The following SEC31B variants were observed in gnomAD, a reference collection of about 807,000 sequenced individuals.
SEC31B encodes the protein SEC31 homolog B, COPII component, also known as protein transport protein Sec31B.
Under a neutral mutation model 135.0 loss-of-function variants are expected in SEC31B, and 113 were observed. The observed-to-expected ratio is 0.84, with a 90% CI of 0.72 to 0.98. The LOEUF (loss-of-function observed/expected upper bound fraction) is 0.98, where lower values mean the gene tolerates loss of function less well. Ranked by LOEUF, SEC31B falls within the 50% of genes least tolerant of loss-of-function variation. The pLI, the probability that SEC31B is intolerant of heterozygous loss-of-function variation, is 0.00. For synonymous variants in SEC31B, 508 were observed against 549.4 expected (o/e 0.92, Z 1.05); for missense variants, 1,296 against 1,421.1 (o/e 0.91, Z 1.42).
At chr10:100,490,350 G>T (rs568594537) in intron 20 of SEC31B, 28 bp from the exon 21 acceptor site, 5 of 1,593,434 alleles carry the variant, frequency 3.1e-6, no homozygotes, top group Non-Finnish European at 4.3e-6. Flanking sequence ...TAGGTCATTT[G>T]TCACTAAACT....
chr10:100,500,409 G>A (rs1791244723), intron 11 of SEC31B, among the ~76,000 whole-genome samples: 1 of 151,996 alleles, frequency 6.6e-6, no homozygotes, highest in Non-Finnish European at 1.5e-5. Context: ...CCACCCTCAG[G>A]GTTCAAGTGA....
chr10:100,489,275 C>T lies in SEC31B; in HGVS notation c.3148G>A (p.Val1050Ile). 2 of 1,609,580 alleles carry T rather than the reference C, an allele frequency of 1.2e-6. No individual in the cohort carries two copies. The highest frequency in any genetic ancestry group is 8.5e-7 in the Non-Finnish European group (1 of 1,178,718). The change falls in exon 23 of 26, where the codon GTT becomes ATT. Residue 1050 changes from valine to isoleucine, a missense_variant. Coordinates refer to ENST00000370345, the MANE Select transcript of SEC31B (RefSeq NM_015490.4). ...VSSVSHAPPG[V>I]PGELSLQLQH... ...ACCTGCAGGCTGAGTTCTCCTGGAA[C>T]TCCTGGGGGAGCATGACTCACACTG...
intron 24 of SEC31B, among the ~76,000 whole-genome samples, 166 bp from the exon 25 acceptor site, chr10:100,488,264 C>T (rs1005204757): frequency 6.6e-6 from 1 of 152,026 alleles, no homozygotes; most frequent in Non-Finnish European, 1.5e-5. Flanking sequence ...TGGAGACCAT[C>T]CTGGCTGACA....
At chr10:100,496,201 A>T in intron 18 of SEC31B, 57 bp downstream of exon 18, 7 of 1,577,254 alleles carry the variant, frequency 4.4e-6, no homozygotes, top group Non-Finnish European at 6.1e-6. Context: ...GGAAGTGCTC[A>T]ATCAATGTTA....
At chr10:100,514,980 CAA>C (rs1232368371) in intron 3 of SEC31B, among the ~76,000 whole-genome samples, 30 of 63,920 alleles carry the variant, frequency 4.7e-4, no homozygotes, top group Admixed American at 9.5e-4. Context: ...GACTCCATCT[CAA>C]AAAAAAAAAA....
intron 1 of SEC31B, among the ~76,000 whole-genome samples, chr10:100,518,754 G>C (rs1442182309): frequency 6.6e-6 from 1 of 152,224 alleles, no homozygotes; most frequent in Non-Finnish European, 1.5e-5. Context: ...AGTCAGATCA[G>C]TCTCACCTAC....
At chr10:100,507,385 A>C in intron 7 of SEC31B, 40 bp downstream of exon 7, 1 of 1,613,394 alleles carries the variant, frequency 6.2e-7, no homozygotes, top group Non-Finnish European at 8.5e-7. Context: ...AGTTATATCC[A>C]CCATCCCCCC....
At chr10:100,513,051 C>T (rs34062897) in intron 3 of SEC31B, among the ~76,000 whole-genome samples, 1 of 152,212 alleles carries the variant, frequency 6.6e-6, no homozygotes, top group Non-Finnish European at 1.5e-5. Flanking sequence ...CCCTAATCAT[C>T]TAGGTCAATA....
chr10:100,492,287 C>T (rs1038433101), intron 19 of SEC31B, among the ~76,000 whole-genome samples: 1 of 152,188 alleles, frequency 6.6e-6, no homozygotes, highest in African/African-American at 2.4e-5. Flanking sequence ...TGCAATGGCA[C>T]AATCTCAGCT....
At chr10:100,502,960 C>T (rs1851551004) in intron 10 of SEC31B, among the ~76,000 whole-genome samples, 1 of 152,120 alleles carries the variant, frequency 6.6e-6, no homozygotes, top group Non-Finnish European at 1.5e-5. Context: ...TTAGACTATC[C>T]CTCTATTGCT....
At chr10:100,517,248 T>C (rs1851867947) in intron 1 of SEC31B, among the ~76,000 whole-genome samples, 1 of 152,184 alleles carries the variant, frequency 6.6e-6, no homozygotes, top group African/African-American at 2.4e-5. Context: ...AACCAGACAA[T>C]CTCTCAGTGA....
At chr10:100,511,820 G>A (rs1037427562) in intron 3 of SEC31B, among the ~76,000 whole-genome samples, 1 of 152,156 alleles carries the variant, frequency 6.6e-6, no homozygotes, top group Non-Finnish European at 1.5e-5. Context: ...GAGTGATTAA[G>A]GCAGTACTCC....
chr10:100,498,859 G>C lies in SEC31B; in HGVS notation c.1585-55C>G, dbSNP rs962811055. The C allele has an allele frequency of 2.1e-5, 29 of 1,355,904 alleles. No homozygotes were observed. The East Asian group carries it at 5.7e-4, about 27-fold the overall frequency. 84.0% of individuals were successfully genotyped at this position (1,355,904 alleles called of 1,614,324 possible). On this transcript the variant is annotated intron_variant, in intron 13 of 25. Transcript: ENST00000370345. ...TAGGGATGAACCCAAGACAGACAGA[G>C]AGCTGGCTTAGTAGCCCTGAGAGCT...
At chr10:100,503,662 C>T (rs1040916110) in intron 10 of SEC31B, among the ~76,000 whole-genome samples, 1 of 151,782 alleles carries the variant, frequency 6.6e-6, no homozygotes, top group African/African-American at 2.4e-5. Context: ...TCGAACTCCC[C>T]GACCTCAGGT....
Position 100,496,396 on chromosome 10 carries a change from G to C in SEC31B, c.2172C>G (p.Ser724Arg), listed in dbSNP as rs1851409684. ...CATGAGGACCCCGCAGTTGCTCCAA[G>C]CTCCTGTTAAGAACCATCACCTTCT... is the stretch of plus-strand genomic sequence containing the variant. ...LMEKVMVLNR[S>R]LEQLRGPHGV... Residue 724 changes from serine (S) to arginine (R), a missense_variant, in exon 18 of 26, where the codon AGC (serine) becomes AGG (arginine). Physicochemically the swap from Ser to Arg is moderately radical, Grantham distance 110 (BLOSUM62 -1). Transcript: ENST00000370345. The C allele has an allele frequency of 6.2e-7, 1 of 1,614,042 alleles. No homozygotes were observed. Among genetic ancestry groups the C allele is most frequent in the Non-Finnish European group, 8.5e-7 (1 of 1,180,030 alleles).
chr10:100,490,559 C>G (rs2133670327), intron 20 of SEC31B, 147 bp downstream of exon 20: 1 of 915,508 alleles, frequency 1.1e-6, no homozygotes, highest in East Asian at 2.8e-5. Context: ...GGTACGAAGC[C>G]AGTGATAGCA....
chr10:100,493,807 A>G (rs923100839), intron 19 of SEC31B, among the ~76,000 whole-genome samples: 3 of 152,076 alleles, frequency 2.0e-5, no homozygotes, highest in African/African-American at 7.2e-5. Context: ...ACTAATGGCA[A>G]TTTCTTGGTT....
intron 3 of SEC31B, among the ~76,000 whole-genome samples, 197 bp from the exon 4 acceptor site, chr10:100,509,708 T>TAC (rs1191280586): frequency 1.3e-5 from 2 of 152,180 alleles, no homozygotes; most frequent in South Asian, 4.1e-4. Flanking sequence ...ATGTTTCATC[T>TAC]ACGTTACACC....
chr10:100,490,925 A>G, intron 19 of SEC31B, 42 bp from the exon 20 acceptor site: 2 of 1,315,258 alleles, frequency 1.5e-6, no homozygotes, highest in Non-Finnish European at 2.0e-6. Flanking sequence ...AAGGAAAGAG[A>G]AAGGTAAATA....
Sources: gnomAD v4.1 joint callset for allele counts (sites outside exome capture counted in the v4.1 genomes callset) on GRCh38, gnomAD v4.1.1 for gene constraint, MANE v1.5 for transcripts, NCBI Gene and HGNC (gene_info 2026-07-23, HGNC 2026-07-21) for gene names.